The following CREB3L2 variants were observed in gnomAD, a reference collection of about 807,000 sequenced individuals.
The protein encoded by CREB3L2 is cyclic AMP-responsive element-binding protein 3-like protein 2.
A neutral mutation model predicts 57.2 loss-of-function variants in CREB3L2; 23 were observed. The ratio of observed to expected loss-of-function variants is 0.40; its 90% CI spans 0.29 to 0.57. The LOEUF is 0.57. CREB3L2 is among the 20% of genes least tolerant of loss of function. CREB3L2 has a pLI of 0.42. For synonymous variants in CREB3L2, 268 were observed against 265.1 expected (o/e 1.01, Z -0.11); for missense variants, 628 against 634.7 (o/e 0.99, Z 0.11).
chr7:137,963,050 T>C (rs1801351944), intron 1 of CREB3L2, among the ~76,000 whole-genome samples: 1 of 152,216 alleles, frequency 6.6e-6, no homozygotes, highest in Non-Finnish European at 1.5e-5. Flanking sequence ...TTCATGAAGA[T>C]GTCTCCCTCC....
rs114342750 is a variant in CREB3L2, at chr7:137,905,795, C to A, written c.822G>T (p.Leu274=). The A allele has an allele frequency of 6.4e-5, 104 of 1,614,144 alleles. 1 individual carries two copies. In the East Asian group the frequency reaches 1.7e-3, roughly 26 times the overall value. ...TGGGGATGGGATAGCCCTCAGCGAT[C>A]AGGGTCCTCTTCTCCTCCTCTGTCA... ...LVLTEEEKRT[L]IAEGYPIPTK... The change falls in exon 6 of 12, where the codon CTG becomes CTT. Residue 274 remains leucine, a synonymous_variant. Transcript: ENST00000330387.
At chr7:137,901,542 G>T in intron 7 of CREB3L2, 120 bp from the exon 8 acceptor site, 1 of 594,032 alleles carries the variant, frequency 1.7e-6, no homozygotes, top group Non-Finnish European at 3.0e-6. Flanking sequence ...CCACCCCATG[G>T]AAGTGTGGGA....
intron 1 of CREB3L2, among the ~76,000 whole-genome samples, chr7:137,988,025 C>T (rs1473359991): frequency 6.6e-6 from 1 of 152,232 alleles, no homozygotes; most frequent in African/African-American, 2.4e-5. Flanking sequence ...TTCAAAGAGC[C>T]TGCTCTGCTC....
intron 3 of CREB3L2, among the ~76,000 whole-genome samples, chr7:137,913,333 A>C (rs273959): frequency 0.72 from 108,667 of 151,624 alleles, 40,452 homozygotes; most frequent in African/African-American, 0.92. Flanking sequence ...TAGTGAGACA[A>C]CGTCTCCCCA....
At chr7:137,986,809 A>G (rs1489106006) in intron 1 of CREB3L2, among the ~76,000 whole-genome samples, 1 of 152,230 alleles carries the variant, frequency 6.6e-6, no homozygotes, top group Admixed American at 6.5e-5. Context: ...GACGTGCCTC[A>G]TGTTCCTCAG....
intron 1 of CREB3L2, among the ~76,000 whole-genome samples, chr7:137,966,317 C>A (rs1173635785): frequency 6.6e-6 from 1 of 152,060 alleles, no homozygotes. Context: ...AAAATTATGT[C>A]CAATAAGTTT....
chr7:137,959,552 T>C (rs964845829), intron 1 of CREB3L2, among the ~76,000 whole-genome samples: 8 of 152,220 alleles, frequency 5.3e-5, no homozygotes, highest in African/African-American at 1.7e-4. Flanking sequence ...TAAATGATGG[T>C]GGTTTTAAGC....
intron 1 of CREB3L2, among the ~76,000 whole-genome samples, chr7:137,997,704 G>T (rs114257813): frequency 6.6e-6 from 1 of 151,074 alleles, no homozygotes; most frequent in Non-Finnish European, 1.5e-5. Context: ...CTCTAGTCTG[G>T]GTGTCAGAAC....
chr7:137,955,170 C>A, intron 1 of CREB3L2: 1 of 645,666 alleles, frequency 1.5e-6, no homozygotes, highest in Non-Finnish European at 2.5e-6. Context: ...AGATACGCTA[C>A]TACTTCATCA....
Position 137,884,992 on chromosome 7 carries a change from T to A in CREB3L2, c.1270+3A>T, listed in dbSNP as rs754575846. The stretch of plus-strand genomic sequence containing the variant: ...CTGCCCAACTTGCCACATGCTGTCT[T>A]ACCCACGGAGGCTGTGTAGGGCTCC... On this transcript the variant is annotated splice_donor_region_variant and intron_variant, in intron 10 of 11. Coordinates refer to ENST00000330387, the MANE Select transcript of CREB3L2 (RefSeq NM_194071.4). 4 of 1,614,130 alleles carry A rather than the reference T, an allele frequency of 2.5e-6. No homozygotes were observed. Among genetic ancestry groups the A allele is most frequent in the Non-Finnish European group, 3.4e-6 (4 of 1,180,020 alleles).
chr7:137,964,378 G>A (rs1388243015), intron 1 of CREB3L2, among the ~76,000 whole-genome samples: 3 of 152,152 alleles, frequency 2.0e-5, no homozygotes, highest in African/African-American at 7.2e-5. Flanking sequence ...TAACCCACTA[G>A]CATGTCTCTG....
At chr7:137,978,317 T>C (rs565571585) in intron 1 of CREB3L2, among the ~76,000 whole-genome samples, 1 of 152,340 alleles carries the variant, frequency 6.6e-6, no homozygotes, top group East Asian at 1.9e-4. Flanking sequence ...AAATCTGTAT[T>C]TCTAACATCT....
At chr7:137,987,526 T>C (rs1025520859) in intron 1 of CREB3L2, among the ~76,000 whole-genome samples, 39 of 152,378 alleles carry the variant, frequency 2.6e-4, no homozygotes, top group Admixed American at 5.9e-4. Context: ...AATCAAAAGC[T>C]GCCACAGGTG....
Position 137,885,054 on chromosome 7 carries a change from G to A in CREB3L2, c.1211C>T (p.Ala404Val), listed in dbSNP as rs1799382824. 3.7e-6 allele frequency: 6 copies of A among 1,614,188 alleles called. No individual in the cohort carries two copies. The highest frequency in any genetic ancestry group is 5.1e-6 in the Non-Finnish European group (6 of 1,180,018). Residue 404 changes from alanine (A) to valine (V), a missense_variant, in exon 10 of 12, where the codon GCC (alanine) becomes GTC (valine). Transcript: ENST00000330387. ...CTGGCTGGGCAGAGCCATCTTGGTG[G>A]CAGAAGGATAGGGCCCGTAGCCTTG... ...FFQGYGPYPS[A>V]TKMALPSQHS...
chr7:137,889,528 G>A (rs1799492829), intron 8 of CREB3L2, among the ~76,000 whole-genome samples: 1 of 152,234 alleles, frequency 6.6e-6, no homozygotes, highest in Non-Finnish European at 1.5e-5. Flanking sequence ...GAGCAAACAT[G>A]TGTTTTAAAA....
intron 1 of CREB3L2, among the ~76,000 whole-genome samples, chr7:137,941,836 T>C (rs1800884970): frequency 6.6e-6 from 1 of 152,240 alleles, no homozygotes; most frequent in African/African-American, 2.4e-5. Context: ...GTTGTTTGTA[T>C]TACATGCCTC....
intron 1 of CREB3L2, among the ~76,000 whole-genome samples, chr7:137,971,596 C>T (rs11983524): frequency 0.026 from 3,886 of 152,086 alleles, 175 homozygotes; most frequent in African/African-American, 0.088. Context: ...TCTCTGCAAC[C>T]CGAATCCCCT....
intron 1 of CREB3L2, among the ~76,000 whole-genome samples, chr7:137,962,580 C>G (rs1046346391): frequency 3.3e-5 from 5 of 152,044 alleles, no homozygotes; most frequent in Non-Finnish European, 7.4e-5. Flanking sequence ...CCCCCAGACT[C>G]AAATATCACA....
intron 1 of CREB3L2, among the ~76,000 whole-genome samples, chr7:137,936,740 G>A (rs2882839): frequency 0.022 from 3,314 of 152,222 alleles, 135 homozygotes; most frequent in African/African-American, 0.076. Flanking sequence ...CATGGATCCC[G>A]GGCTAAACCC....
Sources: gnomAD v4.1 joint callset for allele counts (sites outside exome capture counted in the v4.1 genomes callset) on GRCh38, gnomAD v4.1.1 for gene constraint, MANE v1.5 for transcripts, NCBI Gene and HGNC (gene_info 2026-07-23, HGNC 2026-07-21) for gene names.